Variants in RAB31 observed in about 807,000 individuals in gnomAD.
The protein encoded by RAB31 is ras-related protein Rab-31.
A neutral mutation model predicts 25.6 loss-of-function variants in RAB31; 21 were observed. That is an observed-to-expected ratio of 0.82 (90% confidence interval 0.58 to 1.18). The LOEUF is 1.18. RAB31 is among the 50% of genes most tolerant of loss of function. The probability of loss-of-function intolerance (pLI) is 0.00; values close to 1 mark genes in which losing one functional copy is unlikely to be tolerated. For missense variants in RAB31, 196 were observed against 250.1 expected, an observed-to-expected ratio of 0.78 and a Z score of 1.46; for synonymous variants, 87 against 84.0, an observed-to-expected ratio of 1.04 and a Z score of -0.20.
intron 3 of RAB31, among the ~76,000 whole-genome samples, chr18:9,805,774 A>C (rs1321163660): frequency 6.6e-6 from 1 of 152,228 alleles, no homozygotes; most frequent in Non-Finnish European, 1.5e-5. Flanking sequence ...CTGTGTCTTA[A>C]TTATATCAAC....
At chr18:9,741,698 G>A (rs539967531) in intron 1 of RAB31, among the ~76,000 whole-genome samples, 2 of 152,340 alleles carry the variant, frequency 1.3e-5, no homozygotes, top group African/African-American at 4.8e-5. Context: ...CTGTGGGCAG[G>A]GGTGGAGGCC....
intron 3 of RAB31, among the ~76,000 whole-genome samples, chr18:9,813,037 A>G (rs1397587207): frequency 6.6e-6 from 1 of 152,174 alleles, no homozygotes; most frequent in East Asian, 1.9e-4. Flanking sequence ...ATGCAGATTA[A>G]GACTGGACCC....
intron 1 of RAB31, 96 bp from the exon 2 acceptor site, chr18:9,775,182 C>T (rs1348605738): frequency 6.3e-7 from 1 of 1,576,862 alleles, no homozygotes; most frequent in African/African-American, 1.3e-5. Context: ...CAGAAATAGC[C>T]AGTCGTGTCC....
chr18:9,772,921 G>A (rs2068352762), intron 1 of RAB31, among the ~76,000 whole-genome samples: 1 of 152,186 alleles, frequency 6.6e-6, no homozygotes, highest in Non-Finnish European at 1.5e-5. Context: ...TGTGGTTTGG[G>A]GGACTGCGAG....
chr18:9,734,321 C>T (rs1263377875), intron 1 of RAB31, among the ~76,000 whole-genome samples: 1 of 152,190 alleles, frequency 6.6e-6, no homozygotes, highest in Non-Finnish European at 1.5e-5. Flanking sequence ...GGCCCCGCAG[C>T]CAGTAAGTGG....
intron 1 of RAB31, among the ~76,000 whole-genome samples, chr18:9,743,623 C>T (rs2068191017): frequency 6.6e-6 from 1 of 152,176 alleles, no homozygotes; most frequent in Non-Finnish European, 1.5e-5. Context: ...TGCCCCAGGG[C>T]TTCAGGGGAT....
At chr18:9,834,699 C>T (rs564247725) in intron 5 of RAB31, among the ~76,000 whole-genome samples, 1 of 152,276 alleles carries the variant, frequency 6.6e-6, no homozygotes, top group African/African-American at 2.4e-5. Context: ...ACCACAAGCC[C>T]TATTCTAACC....
intron 1 of RAB31, among the ~76,000 whole-genome samples, chr18:9,742,768 G>A (rs1468824289): frequency 6.6e-6 from 1 of 152,158 alleles, no homozygotes; most frequent in Non-Finnish European, 1.5e-5. Flanking sequence ...CGCCTTCTCC[G>A]GACAGTTTGG....
At chr18:9,778,614 T>G (rs6506700) in intron 2 of RAB31, among the ~76,000 whole-genome samples, 83,336 of 151,862 alleles carry the variant, frequency 0.55, 23,122 homozygotes, top group African/African-American at 0.63. Context: ...GGGATTACAG[T>G]TGCACGCCAC....
intron 6 of RAB31, chr18:9,856,035 C>T (rs1327575178): frequency 6.6e-6 from 1 of 152,182 alleles, no homozygotes; most frequent in Non-Finnish European, 1.5e-5. Flanking sequence ...GGTCCAAGTT[C>T]ATTGAACTGG....
At chr18:9,733,279 C>G (rs1191924751) in intron 1 of RAB31, among the ~76,000 whole-genome samples, 1 of 152,152 alleles carries the variant, frequency 6.6e-6, no homozygotes, top group Admixed American at 6.5e-5. Context: ...TGGATCCTTC[C>G]TCTTCCCAAA....
chr18:9,807,292 C>T (rs192576559), intron 3 of RAB31, among the ~76,000 whole-genome samples: 1 of 152,324 alleles, frequency 6.6e-6, no homozygotes, highest in African/African-American at 2.4e-5. Context: ...ACAGTGGGCT[C>T]TTGTCTTGAA....
intron 1 of RAB31, among the ~76,000 whole-genome samples, chr18:9,739,216 C>G (rs554391354): frequency 3.3e-5 from 5 of 152,082 alleles, no homozygotes; most frequent in Admixed American, 2.6e-4. Flanking sequence ...GGCTTACGCC[C>G]GTAATCCCAG....
At chr18:9,791,462 AT>A (rs1413877879) in intron 2 of RAB31, among the ~76,000 whole-genome samples, 1 of 121,244 alleles carries the variant, frequency 8.2e-6, no homozygotes, top group African/African-American at 3.2e-5. Flanking sequence ...CAGTGGTGCG[AT>A]TTTGGCTCAC....
chr18:9,719,354 G>T, intron 1 of RAB31, among the ~76,000 whole-genome samples: 1 of 125,464 alleles, frequency 8.0e-6, no homozygotes, highest in Non-Finnish European at 1.6e-5. Context: ...ATCTAATTAT[G>T]AGGGAGGGGA....
intron 6 of RAB31, among the ~76,000 whole-genome samples, chr18:9,850,803 C>T (rs1408871033): frequency 6.6e-6 from 1 of 152,072 alleles, no homozygotes; most frequent in Non-Finnish European, 1.5e-5. Flanking sequence ...GAGTTTGAGG[C>T]TGCAGTGAGC....
Position 9,742,843 on chromosome 18 carries a change from G to A in RAB31, c.40-32435G>A, listed in dbSNP as rs145865902. Reference sequence around the variant, plus strand: ...ACAGGAAAGCTCACGGCAGCAAGTGGCAGAGGGGTGGAGCCACAACTTGGC... The same window carrying A: ...ACAGGAAAGCTCACGGCAGCAAGTGACAGAGGGGTGGAGCCACAACTTGGC... On this transcript the variant is annotated intron_variant, in intron 1 of 6. Transcript: ENST00000578921. Among the ~76,000 whole-genome samples, 661 of 152,296 alleles carry A rather than the reference G, an allele frequency of 4.3e-3. 7 individuals are homozygous for A. Among genetic ancestry groups the A allele is most frequent in the African/African-American group, 0.016 (649 of 41,552 alleles).
chr18:9,832,724 T>C (rs953522944), intron 5 of RAB31, among the ~76,000 whole-genome samples: 7 of 152,116 alleles, frequency 4.6e-5, no homozygotes, highest in Admixed American at 4.6e-4. Flanking sequence ...TCCCTCAGCA[T>C]CCCGGCCAGA....
intron 1 of RAB31, among the ~76,000 whole-genome samples, chr18:9,714,093 A>C (rs1360905775): frequency 6.6e-6 from 1 of 152,198 alleles, no homozygotes; most frequent in Non-Finnish European, 1.5e-5. Flanking sequence ...GCCCTGGCCC[A>C]ATGACACTGT....
Sources: gnomAD v4.1 joint callset for allele counts (sites outside exome capture counted in the v4.1 genomes callset) on GRCh38, gnomAD v4.1.1 for gene constraint, MANE v1.5 for transcripts, NCBI Gene and HGNC (gene_info 2026-07-23, HGNC 2026-07-21) for gene names.